The following PTPRD variants were observed in gnomAD, a reference collection of about 807,000 sequenced individuals.
The protein encoded by PTPRD is protein tyrosine phosphatase receptor type D.
A neutral mutation model predicts 214.5 loss-of-function variants in PTPRD; 34 were observed. The ratio of observed to expected loss-of-function variants is 0.16; its 90% CI spans 0.12 to 0.21. PTPRD has a LOEUF of 0.21. Among genes scored for constraint, PTPRD ranks in the 10% least tolerant of loss-of-function variants. The probability of loss-of-function intolerance (pLI) is 1.00; values close to 1 mark genes in which losing one functional copy is unlikely to be tolerated. For missense variants in PTPRD, 2,545 were observed against 2,398.7 expected (o/e 1.06, Z -1.27); for synonymous variants, 1,128 against 845.7 (o/e 1.33, Z -5.79).
At chr9:10,584,638 T>G (rs959009764) in intron 2 of PTPRD, among the ~76,000 whole-genome samples, 1 of 152,164 alleles carries the variant, frequency 6.6e-6, no homozygotes, top group Non-Finnish European at 1.5e-5. Context: ...CTATGATATC[T>G]TCCTGTTTAA....
intron 10 of PTPRD, among the ~76,000 whole-genome samples, chr9:9,093,130 C>T (rs964552049): frequency 3.3e-5 from 5 of 151,990 alleles, no homozygotes; most frequent in African/African-American, 9.7e-5. Context: ...ACCTAGAACA[C>T]ATAACAATCT....
At chr9:8,794,314 G>A (rs2082633) in intron 11 of PTPRD, among the ~76,000 whole-genome samples, 32,310 of 152,108 alleles carry the variant, frequency 0.21, 3,715 homozygotes, top group East Asian at 0.54. Flanking sequence ...TGAAGAACCA[G>A]AGGATATGGA....
intron 3 of PTPRD, among the ~76,000 whole-genome samples, chr9:10,096,410 G>A (rs1015156256): frequency 6.6e-6 from 1 of 151,844 alleles, no homozygotes; most frequent in Admixed American, 6.6e-5. Flanking sequence ...GTTGTTTCCT[G>A]ACTTTTTAAT....
rs542927658 is a variant in PTPRD, at chr9:8,746,361, C to T, written c.-103-12415G>A. 4.1e-4 allele frequency among the ~76,000 whole-genome samples: 63 copies of T among 152,226 alleles called. No individual in the cohort carries two copies. In the South Asian group the frequency reaches 0.013, roughly 32 times the overall value. On this transcript the variant is annotated intron_variant, in intron 11 of 45. Transcript: ENST00000381196. ...ATTTGATAATAAAGTACGAAAATTT[C>T]CTGCAGCAATAAAAGCACTATGCAT...
intron 10 of PTPRD, among the ~76,000 whole-genome samples, chr9:9,109,398 T>A (rs10435818): frequency 0.08 from 12,168 of 152,198 alleles, 635 homozygotes; most frequent in East Asian, 0.16. Flanking sequence ...TCTCTCACTG[T>A]TGCCTATGAA....
intron 9 of PTPRD, among the ~76,000 whole-genome samples, chr9:9,210,544 T>G (rs1287196874): frequency 1.3e-5 from 2 of 152,212 alleles, no homozygotes; most frequent in Admixed American, 1.3e-4. Context: ...ACTTTTCTCC[T>G]TCCTTGCTTC....
At chr9:10,303,323 C>T (rs1276728298) in intron 3 of PTPRD, among the ~76,000 whole-genome samples, 6 of 151,862 alleles carry the variant, frequency 4.0e-5, no homozygotes, top group Non-Finnish European at 5.9e-5. Flanking sequence ...CATCTAAATT[C>T]GATACCCTAA....
intron 7 of PTPRD, among the ~76,000 whole-genome samples, chr9:9,599,580 A>C (rs973105523): frequency 6.6e-6 from 1 of 151,948 alleles, no homozygotes; most frequent in Non-Finnish European, 1.5e-5. Flanking sequence ...CTTTGTTTTC[A>C]TATATTTATC....
intron 34 of PTPRD, among the ~76,000 whole-genome samples, chr9:8,439,654 T>TGA (rs2095476072): frequency 6.6e-6 from 1 of 152,222 alleles, no homozygotes; most frequent in African/African-American, 2.4e-5. Flanking sequence ...TGAAACTGTT[T>TGA]AGCTCATATC....
In PTPRD at chr9:8,341,995, G is replaced by A. The variant is rs777699507; in HGVS notation, c.4662-17C>T. On this transcript the variant is annotated splice_polypyrimidine_tract_variant and intron_variant, in intron 39 of 45. Coordinates refer to ENST00000381196, the MANE Select transcript of PTPRD (RefSeq NM_002839.4). ...ACTCCCGCACTATGAGGAAAATAGAGAAGAAAAGCCCAAATAAACCTATCA... is the reference window on the plus strand; with the variant it reads ...ACTCCCGCACTATGAGGAAAATAGAAAAGAAAAGCCCAAATAAACCTATCA... 31 of 1,574,006 alleles carry A rather than the reference G, an allele frequency of 2.0e-5. No individual in the cohort carries two copies. The highest frequency in any genetic ancestry group is 8.6e-7 in the Non-Finnish European group (1 of 1,164,406).
At chr9:9,525,986 G>A (rs887468935) in intron 8 of PTPRD, among the ~76,000 whole-genome samples, 3 of 151,898 alleles carry the variant, frequency 2.0e-5, no homozygotes, top group Admixed American at 1.3e-4. Context: ...CACCCTGTGA[G>A]AATAGCATCT....
intron 35 of PTPRD, among the ~76,000 whole-genome samples, chr9:8,434,657 G>A (rs1229956718): frequency 6.6e-6 from 1 of 151,920 alleles, no homozygotes; most frequent in Non-Finnish European, 1.5e-5. Flanking sequence ...ATTAAAGCAG[G>A]GCTATGAAAA....
At chr9:10,050,578 A>AAAAAAAAAAAAAAAAAAAAAAAAAAAC (rs2097516012) in intron 3 of PTPRD, among the ~76,000 whole-genome samples, 1 of 148,434 alleles carries the variant, frequency 6.7e-6, no homozygotes, top group African/African-American at 2.5e-5. Flanking sequence ...AAAAAAAAAA[A>AAAAAAAAAAAAAAAAAAAAAAAAAAAC]AAAAAAAAAA....
chr9:8,357,557 T>A (rs990036406), intron 39 of PTPRD, among the ~76,000 whole-genome samples: 2 of 152,182 alleles, frequency 1.3e-5, no homozygotes, highest in East Asian at 1.9e-4. Flanking sequence ...ATTGGCTCTG[T>A]CTGTTTTGGA....
chr9:10,010,698 T>C (rs1174714784), intron 4 of PTPRD, among the ~76,000 whole-genome samples: 3 of 151,908 alleles, frequency 2.0e-5, no homozygotes, highest in African/African-American at 7.2e-5. Flanking sequence ...TAGAGATATT[T>C]TGAGAAATCA....
chr9:8,458,617 G>A (rs911764234), intron 33 of PTPRD, among the ~76,000 whole-genome samples: 3 of 152,084 alleles, frequency 2.0e-5, no homozygotes, highest in Non-Finnish European at 4.4e-5. Context: ...AAAAAGTGCA[G>A]CGTACAGACA....
At chr9:9,503,239 T>A (rs1255871622) in intron 8 of PTPRD, among the ~76,000 whole-genome samples, 1 of 151,496 alleles carries the variant, frequency 6.6e-6, no homozygotes, top group African/African-American at 2.4e-5. Flanking sequence ...TACCATTGGA[T>A]TTTTAATAGG....
chr9:9,023,628 A>C (rs1424025503), intron 10 of PTPRD, among the ~76,000 whole-genome samples: 1 of 151,988 alleles, frequency 6.6e-6, no homozygotes, highest in East Asian at 1.9e-4. Context: ...TATAGTACCC[A>C]CTAGGCAGCT....
intron 10 of PTPRD, among the ~76,000 whole-genome samples, chr9:9,118,334 G>C (rs1468248782): frequency 6.6e-6 from 1 of 152,166 alleles, no homozygotes; most frequent in African/African-American, 2.4e-5. Flanking sequence ...CACAAGCGGA[G>C]TGAACAGATA....
Sources: gnomAD v4.1 joint callset for allele counts (sites outside exome capture counted in the v4.1 genomes callset) on GRCh38, gnomAD v4.1.1 for gene constraint, MANE v1.5 for transcripts, NCBI Gene and HGNC (gene_info 2026-07-23, HGNC 2026-07-21) for gene names.